HELLS: variants seen among roughly 807,000 people sequenced by gnomAD.
HELLS encodes helicase, lymphoid specific.
A neutral mutation model predicts 120.0 loss-of-function variants in HELLS; 32 were observed. The observed-to-expected ratio is 0.27, with a 90% confidence interval of 0.20 to 0.36. HELLS has a LOEUF of 0.36. HELLS is among the 10% of genes least tolerant of loss of function. The probability of loss-of-function intolerance (pLI) is 1.00; values close to 1 mark genes in which losing one functional copy is unlikely to be tolerated. For missense variants in HELLS, 650 were observed against 993.4 expected, an observed-to-expected ratio of 0.65 and a Z score of 4.65; for synonymous variants, 341 against 323.4, an observed-to-expected ratio of 1.05 and a Z score of -0.58.
chr10:94,608,524 CTCATACAATTAAAGTGG>C (rs1287474877), intron 9 of HELLS, among the ~76,000 whole-genome samples: 1 of 152,136 alleles, frequency 6.6e-6, no homozygotes, highest in Non-Finnish European at 1.5e-5. Flanking sequence ...TCTACCACAA[CTCATACAATTAAAGTGG>C]TCAAAGAAAG....
chr10:94,560,040 A>T (rs537863018), intron 4 of HELLS, among the ~76,000 whole-genome samples: 21 of 149,346 alleles, frequency 1.4e-4, no homozygotes, highest in East Asian at 5.9e-4. Flanking sequence ...TTATTTATTT[A>T]TTTTTTTTTT....
chr10:94,606,624 A>C (rs535257244), downstream of HELLS, among the ~76,000 whole-genome samples: 1 of 152,094 alleles, frequency 6.6e-6, no homozygotes, highest in Non-Finnish European at 1.5e-5. Flanking sequence ...CATTGGTATT[A>C]TATGTATGAG....
downstream of HELLS, among the ~76,000 whole-genome samples, chr10:94,605,169 G>C (rs998948235): frequency 7.1e-6 from 1 of 140,416 alleles, no homozygotes. Flanking sequence ...TGCAACCTCT[G>C]TCTCCCAGGT....
chr10:94,586,687 A>AG (rs1564608957), intron 12 of HELLS, among the ~76,000 whole-genome samples: 4 of 151,976 alleles, frequency 2.6e-5, no homozygotes, highest in African/African-American at 9.7e-5. Flanking sequence ...GTTTATTATT[A>AG]TTAGTAGTAG....
chr10:94,603,174 C>T (rs1195374602), downstream of HELLS, among the ~76,000 whole-genome samples: 1 of 152,168 alleles, frequency 6.6e-6, no homozygotes, highest in East Asian at 1.9e-4. Flanking sequence ...TCTTTTATAA[C>T]AAAGCTCCTT....
At chr10:94,600,100 G>A (rs1023148603) in intron 21 of HELLS, among the ~76,000 whole-genome samples, 3 of 152,120 alleles carry the variant, frequency 2.0e-5, no homozygotes, top group African/African-American at 4.8e-5. Flanking sequence ...AGACCAGCCT[G>A]GGCAACACGG....
chr10:94,590,167 TA>T (rs1368536452), intron 13 of HELLS, among the ~76,000 whole-genome samples: 1 of 152,220 alleles, frequency 6.6e-6, no homozygotes, highest in Non-Finnish European at 1.5e-5. Context: ...TTTAAGGTAT[TA>T]AATCCTTTTG....
intron 4 of HELLS, among the ~76,000 whole-genome samples, chr10:94,558,694 C>T (rs113780263): frequency 2.2e-4 from 34 of 152,088 alleles, no homozygotes; most frequent in African/African-American, 7.5e-4. Context: ...CTCTGCCTCC[C>T]GGGTTCACGC....
intron 21 of HELLS, among the ~76,000 whole-genome samples, chr10:94,599,395 C>T (rs957539333): frequency 9.9e-5 from 15 of 152,084 alleles, no homozygotes; most frequent in Non-Finnish European, 1.5e-4. Flanking sequence ...GTTCTGTCAC[C>T]GAGGCTGGAG....
rs754938666 is a variant in HELLS at position 94,592,217 on chromosome 10, C to T, written c.1768-12C>T. The T allele has an allele frequency of 9.5e-6, 15 of 1,578,086 alleles. No individual in the cohort carries two copies. Among genetic ancestry groups the T allele is most frequent in the South Asian group, 3.5e-5 (3 of 85,406 alleles). On this transcript the variant is annotated splice_polypyrimidine_tract_variant and intron_variant, in intron 15 of 21. Transcript: ENST00000348459. The stretch of plus-strand genomic sequence containing the variant: ...TTTCTCTCTATTTTTTCTTCCTTTG[C>T]CCCTCCTTAAGATCGATGAAGAATT...
chr10:94,594,413 A>C (rs79514865), intron 18 of HELLS, among the ~76,000 whole-genome samples: 4,255 of 152,296 alleles, frequency 0.028, 95 homozygotes, highest in South Asian at 0.044. Flanking sequence ...TTGTATCCTC[A>C]TATGATCCTC....
rs749001760 is a variant in HELLS at position 94,592,232 on chromosome 10, G to A, written c.1771G>A (p.Asp591Asn). The change falls in exon 16 of 22, where the codon GAT becomes AAT. Residue 591 changes from aspartate to asparagine, a missense_variant. Physicochemically the swap from Asp to Asn is conservative, Grantham distance 23. Transcript: ENST00000348459. ...IDPVTQEFKI[D>N]EELVTNSGKF... ...TCTTCCTTTGCCCCTCCTTAAGATC[G>A]ATGAAGAATTGGTAACAAATTCTGG... 39 of 1,605,720 alleles carry A rather than the reference G, an allele frequency of 2.4e-5. No individual in the cohort carries two copies. The highest frequency in any genetic ancestry group is 4.5e-5 in the East Asian group (2 of 44,666).
chr10:94,574,061 G>A lies in HELLS; in HGVS notation c.579G>A (p.Gln193=). 1 of 1,612,742 alleles carries A rather than the reference G, an allele frequency of 6.2e-7. No homozygotes were observed. Among genetic ancestry groups the A allele is most frequent in the Non-Finnish European group, 8.5e-7 (1 of 1,178,816 alleles). ...ATAGATTGTCTGAAACGGTTAGGCA[G>A]AATACTAAATTCTTTTTTGACCCAG... ...IKDRLSETVR[Q]NTKFFFDPVR... The change falls in exon 8 of 22, where the codon CAG becomes CAA. Residue 193 remains glutamine, a synonymous_variant. Coordinates refer to ENST00000348459, the MANE Select transcript of HELLS (RefSeq NM_018063.5).
intron 13 of HELLS, among the ~76,000 whole-genome samples, chr10:94,589,016 G>T (rs181142075): frequency 6.6e-6 from 1 of 152,212 alleles, no homozygotes; most frequent in East Asian, 1.9e-4. Context: ...GCGTGGTGGC[G>T]CATGCCTGTA....
At position 94,546,487 on chromosome 10, in the gene HELLS, A is replaced by G. The variant is rs754600385; in HGVS notation, c.142A>G (p.Met48Val). 1.2e-6 allele frequency: 2 copies of G among 1,614,128 alleles called. No homozygotes were observed. Among genetic ancestry groups the G allele is most frequent in the Non-Finnish European group, 1.7e-6 (2 of 1,180,040 alleles). ...TGCTGGACTAGAGAGAGAGCGGAAGATGCTGGAAAAGGTAATTTAGGCATC... is the reference window on the plus strand; with the variant it reads ...TGCTGGACTAGAGAGAGAGCGGAAGGTGCTGGAAAAGGTAATTTAGGCATC... The part of the protein sequence containing the change: ...EAAGLERERK[M>V]LEKARMSWDR... The change falls in exon 2 of 22, where the codon ATG becomes GTG. Residue 48 changes from methionine to valine, a missense_variant. Physicochemically the swap from Met to Val is conservative, Grantham distance 21. Around this residue, in one of 9 missense-constraint regions of HELLS, gnomAD observed 90 missense variants for 93.6 expected, o/e 0.96. Coordinates refer to ENST00000348459, the MANE Select transcript of HELLS (RefSeq NM_018063.5).
intron 3 of HELLS, among the ~76,000 whole-genome samples, chr10:94,556,301 G>C (rs1324495466): frequency 6.6e-6 from 1 of 152,150 alleles, no homozygotes; most frequent in Non-Finnish European, 1.5e-5. Flanking sequence ...GGGAGAAACT[G>C]AGTTTGTTTT....
chr10:94,600,407 C>G (rs1302236817), intron 21 of HELLS, among the ~76,000 whole-genome samples: 1 of 151,918 alleles, frequency 6.6e-6, no homozygotes, highest in Non-Finnish European at 1.5e-5. Context: ...ACAAGATATT[C>G]TATACCAGGT....
chr10:94,550,786 G>A (rs1842947410), intron 2 of HELLS, among the ~76,000 whole-genome samples: 1 of 152,096 alleles, frequency 6.6e-6, no homozygotes, highest in African/African-American at 2.4e-5. Context: ...CTACTCAAGA[G>A]GGTGAGGCAG....
At chr10:94,549,129 C>T (rs1437570630) in intron 2 of HELLS, among the ~76,000 whole-genome samples, 1 of 152,112 alleles carries the variant, frequency 6.6e-6, no homozygotes, top group African/African-American at 2.4e-5. Context: ...TTGCACTGGA[C>T]CCTCATAAAA....
Sources: gnomAD v4.1 joint callset for allele counts (sites outside exome capture counted in the v4.1 genomes callset) on GRCh38, gnomAD v4.1.1 for gene constraint, gnomAD v4.1.1 regional missense constraint, MANE v1.5 for transcripts, NCBI Gene and HGNC (gene_info 2026-07-23, HGNC 2026-07-21) for gene names.